The following SLCO2A1 variants were observed in gnomAD, a reference collection of about 807,000 sequenced individuals.
SLCO2A1 encodes the protein matrin F/G 1.
Under a neutral mutation model 71.7 loss-of-function variants are expected in SLCO2A1, and 60 were observed. The ratio of observed to expected loss-of-function variants is 0.84; its 90% CI spans 0.68 to 1.04. The LOEUF (loss-of-function observed/expected upper bound fraction) is 1.04. SLCO2A1 is among the 50% of genes least tolerant of loss of function. The pLI, the probability that SLCO2A1 is intolerant of heterozygous loss-of-function variation, is 0.00. For missense variants in SLCO2A1, 745 were observed against 813.4 expected, an observed-to-expected ratio of 0.92 and a Z score of 1.02; for synonymous variants, 308 against 326.7, an observed-to-expected ratio of 0.94 and a Z score of 0.62.
chr3:133,955,515 G>A (rs770334146), intron 3 of SLCO2A1: 8 of 338,328 alleles, frequency 2.4e-5, no homozygotes, highest in East Asian at 6.4e-5. Flanking sequence ...AGCTGAGCAC[G>A]GAGAAGTCAG....
chr3:133,968,796 G>T (rs901619218), intron 3 of SLCO2A1, among the ~76,000 whole-genome samples: 8 of 152,172 alleles, frequency 5.3e-5, no homozygotes, highest in Non-Finnish European at 1.2e-4. Context: ...ACCTCTCCGC[G>T]CCTTCCAGAC....
chr3:133,951,492 A>G, intron 5 of SLCO2A1, 148 bp from the exon 6 acceptor site: 1 of 923,470 alleles, frequency 1.1e-6, no homozygotes, highest in Non-Finnish European at 1.6e-6. Flanking sequence ...GGTCAAAACA[A>G]CATTCCCTCT....
chr3:133,959,796 C>T (rs1427773243), intron 3 of SLCO2A1, among the ~76,000 whole-genome samples: 3 of 150,974 alleles, frequency 2.0e-5, no homozygotes, highest in Admixed American at 6.6e-5. Flanking sequence ...ACTGCCTGGG[C>T]GACAGAGTGA....
In SLCO2A1 at chr3:133,953,809, T is replaced by C. The variant is rs375228104; in HGVS notation, c.626-48A>G. On this transcript the variant is annotated intron_variant, in intron 4 of 13. Coordinates refer to ENST00000310926, the MANE Select transcript of SLCO2A1 (RefSeq NM_005630.3). ...GGAGACTGAGATAAATGGAGAGAGTTTGGCAGCCTTGGGCTCCCAAGCTGA... is the reference window on the plus strand; with the variant it reads ...GGAGACTGAGATAAATGGAGAGAGTCTGGCAGCCTTGGGCTCCCAAGCTGA... 83 of 1,492,844 alleles carry C rather than the reference T, an allele frequency of 5.6e-5. No homozygotes were observed. In the African/African-American group the frequency reaches 7.8e-4, roughly 14 times the overall value. 92.5% of individuals were successfully genotyped at this position (1,492,844 alleles called of 1,614,324 possible). A position where few individuals can be genotyped will look rare whatever the true frequency, so the allele number is the denominator to read the frequency against.
intron 1 of SLCO2A1, among the ~76,000 whole-genome samples, chr3:133,997,389 T>C (rs973286457): frequency 2.0e-5 from 3 of 152,172 alleles, no homozygotes; most frequent in Admixed American, 6.5e-5. Flanking sequence ...TATTTGGAAA[T>C]AATAGGGTTT....
At chr3:133,961,498 G>T (rs952628542) in intron 3 of SLCO2A1, among the ~76,000 whole-genome samples, 1 of 151,972 alleles carries the variant, frequency 6.6e-6, no homozygotes, top group Non-Finnish European at 1.5e-5. Context: ...GGTCATCAAA[G>T]ATGGTAAAAA....
At chr3:133,942,880 C>T (rs1933465368) in intron 10 of SLCO2A1, 112 bp from the exon 11 acceptor site, 3 of 1,170,426 alleles carry the variant, frequency 2.6e-6, no homozygotes, top group Non-Finnish European at 3.5e-6. Flanking sequence ...ACCCTTGTGT[C>T]CTCTGGGTCT....
At chr3:133,993,270 C>T (rs544286450) in intron 1 of SLCO2A1, among the ~76,000 whole-genome samples, 1 of 152,332 alleles carries the variant, frequency 6.6e-6, no homozygotes, top group South Asian at 2.1e-4. Flanking sequence ...CAGTTCCCGC[C>T]CGTGAAGGGG....
intron 3 of SLCO2A1, among the ~76,000 whole-genome samples, chr3:133,972,931 C>T (rs191556832): frequency 3.9e-5 from 6 of 152,100 alleles, no homozygotes; most frequent in African/African-American, 1.2e-4. Flanking sequence ...CAATGGTGAA[C>T]AAAGAAACCA....
At chr3:133,968,648 G>C (rs1201267899) in intron 3 of SLCO2A1, among the ~76,000 whole-genome samples, 1 of 152,224 alleles carries the variant, frequency 6.6e-6, no homozygotes, top group Non-Finnish European at 1.5e-5. Context: ...GTCTGCATGT[G>C]GGCAGACTTC....
intron 1 of SLCO2A1, among the ~76,000 whole-genome samples, chr3:133,981,795 T>C (rs1313713717): frequency 6.6e-6 from 1 of 151,932 alleles, no homozygotes; most frequent in South Asian, 2.1e-4. Flanking sequence ...ACCAACGTGG[T>C]GAAACCCCGT....
At position 133,935,848 on chromosome 3, in the gene SLCO2A1, G is replaced by A. The variant is rs752790298; in HGVS notation, c.1740C>T (p.Cys580=). 5 of 1,611,800 alleles carry A rather than the reference G, an allele frequency of 3.1e-6. No homozygotes were observed. Among genetic ancestry groups the A allele is most frequent in the Non-Finnish European group, 4.2e-6 (5 of 1,178,632 alleles). Residue 580 remains cysteine (C), a synonymous_variant, in exon 13 of 14, where the codon TGC becomes TGT. Coordinates refer to ENST00000310926, the MANE Select transcript of SLCO2A1 (RefSeq NM_005630.3). ...ALYGLTIDHS[C]IRWNSLCLGR... Reference sequence around the variant, plus strand: ...CCAAGCACAGCGAGTTCCACCGGATGCAGGAGTGGTCAATGGTGAGGCCAT... The same window carrying A: ...CCAAGCACAGCGAGTTCCACCGGATACAGGAGTGGTCAATGGTGAGGCCAT...
Position 134,028,143 on chromosome 3 carries a change from G to A in SLCO2A1, c.96+1564C>T, listed in dbSNP as rs552099714. On this transcript the variant is annotated intron_variant, in intron 1 of 13. Transcript: ENST00000310926. Reference sequence around the variant, plus strand: ...AACCAGGGTGGGTCTAAACGGATCAGTCTCATTCAGCTGTACCCTCACTGT... The same window carrying A: ...AACCAGGGTGGGTCTAAACGGATCAATCTCATTCAGCTGTACCCTCACTGT... 3.9e-5 allele frequency among the ~76,000 whole-genome samples: 6 copies of A among 152,278 alleles called. No homozygotes were observed. In the East Asian group the frequency reaches 9.7e-4, roughly 25 times the overall value.
chr3:133,983,912 G>A (rs577323885), intron 1 of SLCO2A1, among the ~76,000 whole-genome samples: 4 of 152,286 alleles, frequency 2.6e-5, no homozygotes, highest in Non-Finnish European at 4.4e-5. Flanking sequence ...CGCTGTCACC[G>A]ATTCAACGTG....
At chr3:133,953,038 A>T (rs58018882) in intron 5 of SLCO2A1, among the ~76,000 whole-genome samples, 3,587 of 147,658 alleles carry the variant, frequency 0.024, 149 homozygotes, top group African/African-American at 0.081. Context: ...GAACCATAGA[A>T]TTTTTTTTTT....
intron 1 of SLCO2A1, among the ~76,000 whole-genome samples, chr3:134,025,574 G>A (rs1935686315): frequency 6.6e-6 from 1 of 152,056 alleles, no homozygotes; most frequent in Non-Finnish European, 1.5e-5. Flanking sequence ...AGGCTATATA[G>A]CAGAAAATAA....
chr3:133,948,902 A>T lies in SLCO2A1; in HGVS notation c.931T>A (p.Phe311Ile). 4 of 1,614,078 alleles carry T rather than the reference A, an allele frequency of 2.5e-6. No homozygotes were observed. In the South Asian group the frequency reaches 4.4e-5, roughly 18 times the overall value. The change falls in exon 7 of 14, where the codon TTC becomes ATC. Residue 311 changes from phenylalanine to isoleucine, a missense_variant. Physicochemically the swap from Phe to Ile is conservative, Grantham distance 21. Transcript: ENST00000310926. ...CTGTAGGGTCAGTTACGTTTAATGA[A>T]ATCCACCAGGGAGCCTCTTGACTTG... The part of the protein sequence containing the change: ...EAKSRGSLVD[F>I]IKRFPCIFLR...
In SLCO2A1 at chr3:133,938,470, G is replaced by T; in HGVS notation, c.1649C>A (p.Ser550Ter). The change falls in exon 12 of 14, where the codon TCA becomes TAA. Residue 550 changes from serine to a stop codon, truncating the protein, a stop_gained. Transcript: ENST00000310926. LOFTEE classifies it high-confidence loss of function. ...CAAGAACTGCACCCCGATGGCAAATGACTTTTCCTCCTGGTTCACCACACT... is the reference window on the plus strand; with the variant it reads ...CAAGAACTGCACCCCGATGGCAAATTACTTTTCCTCCTGGTTCACCACACT... ...VLRVVNQEEK[S>*]FAIGVQFLLM... 1 of 1,614,106 alleles carries T rather than the reference G, an allele frequency of 6.2e-7. No individual in the cohort carries two copies. Among genetic ancestry groups the T allele is most frequent in the Non-Finnish European group, 8.5e-7 (1 of 1,180,004 alleles).
intron 1 of SLCO2A1, among the ~76,000 whole-genome samples, chr3:134,008,818 G>C (rs1026039481): frequency 6.6e-6 from 1 of 152,194 alleles, no homozygotes; most frequent in Non-Finnish European, 1.5e-5. Flanking sequence ...AAAGGAAAAG[G>C]CTCCACATTC....
Sources: allele counts gnomAD v4.1 joint callset (sites outside exome capture counted in the v4.1 genomes callset), GRCh38; gene constraint gnomAD v4.1.1; transcripts MANE v1.5; gene names NCBI Gene and HGNC (gene_info 2026-07-23, HGNC 2026-07-21).